The following IPP variants were observed in gnomAD, a reference collection of about 807,000 sequenced individuals.
The protein encoded by IPP is actin-binding protein IPP.
In IPP, 41 loss-of-function variants were observed where a neutral mutation model predicts 64.1. That is an observed-to-expected ratio of 0.64 (90% confidence interval 0.50 to 0.83). The LOEUF (loss-of-function observed/expected upper bound fraction) is 0.83, where lower values mean the gene tolerates loss of function less well. Among genes scored for constraint, IPP ranks in the 40% least tolerant of loss-of-function variants. The pLI is 0.00. For synonymous variants in IPP, 214 were observed against 235.2 expected, an observed-to-expected ratio of 0.91 and a Z score of 0.83; for missense variants, 649 against 703.0, an observed-to-expected ratio of 0.92 and a Z score of 0.87.
chr1:45,747,670 A>T (rs1415794398), intron 1 of IPP, among the ~76,000 whole-genome samples: 1 of 151,990 alleles, frequency 6.6e-6, no homozygotes, highest in East Asian at 1.9e-4. Flanking sequence ...TCTTCTAAAA[A>T]TATAAAAATT....
intron 5 of IPP, among the ~76,000 whole-genome samples, chr1:45,724,482 C>T (rs1164381636): frequency 2.0e-5 from 3 of 151,074 alleles, no homozygotes; most frequent in Non-Finnish European, 3.0e-5. Context: ...GCTGCCCAGT[C>T]TGGAAAGTGA....
chr1:45,714,001 AAAG>A (rs1471438550), intron 8 of IPP, among the ~76,000 whole-genome samples: 1 of 152,226 alleles, frequency 6.6e-6, no homozygotes, highest in Non-Finnish European at 1.5e-5. Context: ...TAGTCTAGAA[AAAG>A]AAGAGCAAAC....
chr1:45,708,310 C>T (rs200921416), intron 8 of IPP, among the ~76,000 whole-genome samples: 3 of 151,384 alleles, frequency 2.0e-5, no homozygotes, highest in East Asian at 2.0e-4. Flanking sequence ...CTGATCTGCC[C>T]GCCTCGGCCT....
intron 8 of IPP, among the ~76,000 whole-genome samples, chr1:45,702,177 C>T (rs1238462835): frequency 6.6e-6 from 1 of 152,086 alleles, no homozygotes; most frequent in Non-Finnish European, 1.5e-5. Flanking sequence ...AGGGCTCATC[C>T]TATATTGTTC....
At chr1:45,747,104 A>G (rs1646145112) in intron 1 of IPP, among the ~76,000 whole-genome samples, 1 of 151,716 alleles carries the variant, frequency 6.6e-6, no homozygotes, top group Admixed American at 6.5e-5. Context: ...TAGTGCGCGC[A>G]TGCGCGCGCA....
intron 3 of IPP, among the ~76,000 whole-genome samples, chr1:45,736,370 T>C (rs1407084042): frequency 6.6e-6 from 1 of 152,046 alleles, no homozygotes; most frequent in Non-Finnish European, 1.5e-5. Context: ...TAATCAAATA[T>C]CTAATAATAT....
chr1:45,735,304 G>A (rs1162161656), intron 3 of IPP, among the ~76,000 whole-genome samples: 1 of 151,586 alleles, frequency 6.6e-6, no homozygotes, highest in Non-Finnish European at 1.5e-5. Flanking sequence ...GGCTGGTCTC[G>A]AACTCCTGAC....
chr1:45,713,270 A>C (rs1645614471), intron 8 of IPP, among the ~76,000 whole-genome samples: 1 of 152,070 alleles, frequency 6.6e-6, no homozygotes, highest in Non-Finnish European at 1.5e-5. Flanking sequence ...CATAGAAAAA[A>C]AAAAATTCAG....
intron 5 of IPP, among the ~76,000 whole-genome samples, chr1:45,724,372 C>T (rs1222352846): frequency 4.0e-5 from 6 of 151,728 alleles, no homozygotes; most frequent in East Asian, 2.0e-4. Context: ...CCCAAAGAGC[C>T]GAGATTGCAG....
chr1:45,745,149 T>C (rs993885300), intron 2 of IPP, among the ~76,000 whole-genome samples: 6 of 152,178 alleles, frequency 3.9e-5, no homozygotes, highest in African/African-American at 9.7e-5. Context: ...TCCTCTCACA[T>C]TGGCCTCCCG....
chr1:45,724,403 C>T (rs1645777977), intron 5 of IPP, among the ~76,000 whole-genome samples: 1 of 151,892 alleles, frequency 6.6e-6, no homozygotes, highest in Non-Finnish European at 1.5e-5. Context: ...GCCGCCACCC[C>T]GTCTGGGAAG....
At chr1:45,717,940 A>G (rs1450518798) in intron 6 of IPP, among the ~76,000 whole-genome samples, 8 of 152,194 alleles carry the variant, frequency 5.3e-5, no homozygotes, top group Admixed American at 2.0e-4. Flanking sequence ...TTTTTCCACA[A>G]TAGGTTTGGA....
chr1:45,743,790 C>G (rs540300275), intron 2 of IPP, among the ~76,000 whole-genome samples: 3 of 151,706 alleles, frequency 2.0e-5, no homozygotes, highest in Admixed American at 2.0e-4. Flanking sequence ...GTGAGTGGAT[C>G]ACTTGAGGTC....
chr1:45,734,862 C>G (rs1207135462), intron 3 of IPP, among the ~76,000 whole-genome samples: 1 of 152,206 alleles, frequency 6.6e-6, no homozygotes, highest in Non-Finnish European at 1.5e-5. Context: ...TCATACCAAC[C>G]TCCACCTCCC....
At chr1:45,714,101 C>T in intron 8 of IPP, 145 bp downstream of exon 8, 3 of 561,060 alleles carry the variant, frequency 5.3e-6, no homozygotes, top group Non-Finnish European at 9.4e-6. Context: ...AGCAGTGACA[C>T]CAAAAGTTTC....
Position 45,699,657 on chromosome 1 carries a change from CTTGAGT to C in IPP, c.*303_*308del. 9.3e-7 allele frequency: 1 copy of C among 1,075,764 alleles called. No homozygotes were observed. The highest frequency in any genetic ancestry group is 3.8e-5 in the South Asian group (1 of 25,980). The allele number at this position is 1,075,764 out of a possible 1,614,324, so 66.6% of individuals were successfully genotyped here. On this transcript the variant is annotated 3_prime_UTR_variant, in exon 9 of 9. Transcript: ENST00000396478. ...CACTCATATTTTTAGAAAAATCATT[CTTGAGT>C]TTATTTTTTTTCTTTAAGAGACAGG...
chr1:45,727,912 C>T (rs1166075587), intron 4 of IPP, 114 bp from the exon 5 acceptor site: 2 of 715,484 alleles, frequency 2.8e-6, no homozygotes, highest in African/African-American at 1.8e-5. Context: ...TCTCTATATA[C>T]ATATAATGTA....
chr1:45,743,253 T>C (rs1570051857), intron 2 of IPP, among the ~76,000 whole-genome samples: 4 of 151,250 alleles, frequency 2.6e-5, no homozygotes, highest in South Asian at 4.2e-4. Context: ...TTTTTTTTTT[T>C]CTGAGACAGG....
At chr1:45,744,430 C>T (rs536093684) in intron 2 of IPP, among the ~76,000 whole-genome samples, 2 of 152,266 alleles carry the variant, frequency 1.3e-5, no homozygotes, top group South Asian at 4.2e-4. Flanking sequence ...GTCTCCCAGT[C>T]CAGGGTGCAG....
Sources: gnomAD v4.1 joint callset for allele counts (sites outside exome capture counted in the v4.1 genomes callset) on GRCh38, gnomAD v4.1.1 for gene constraint, MANE v1.5 for transcripts, NCBI Gene and HGNC (gene_info 2026-07-23, HGNC 2026-07-21) for gene names.